The following UGGT1 variants were observed in gnomAD, a reference collection of about 807,000 sequenced individuals.
The protein encoded by UGGT1 is UDP-glucose glycoprotein glucosyltransferase 1.
UGGT1 carries 107 observed loss-of-function variants against 203.9 expected under a neutral mutation model. That is an observed-to-expected ratio of 0.52 (90% CI 0.45 to 0.62). The LOEUF (loss-of-function observed/expected upper bound fraction) is 0.62. Ranked by LOEUF, UGGT1 falls within the 20% of genes least tolerant of loss-of-function variation. The probability of loss-of-function intolerance (pLI) is 0.00; values close to 1 mark genes in which losing one functional copy is unlikely to be tolerated. For synonymous variants in UGGT1, 628 were observed against 653.5 expected (o/e 0.96, Z 0.59); for missense variants, 1,673 against 1,867.2 (o/e 0.90, Z 1.92).
chr2:128,108,212 A>T (rs1183231658), intron 4 of UGGT1, 144 bp downstream of exon 4: 1 of 1,061,158 alleles, frequency 9.4e-7, no homozygotes, highest in Non-Finnish European at 1.3e-6. Context: ...TTTAAAAAAA[A>T]TAATAAGCAA....
chr2:128,121,406 T>TTC, intron 10 of UGGT1, 108 bp downstream of exon 10: 1 of 215,108 alleles, frequency 4.6e-6, no homozygotes, highest in South Asian at 9.5e-5. Context: ...ATTAAGATTC[T>TTC]TTTTTTTTTT....
At chr2:128,176,122 A>G (rs915722888) in intron 31 of UGGT1, among the ~76,000 whole-genome samples, 6 of 152,164 alleles carry the variant, frequency 3.9e-5, no homozygotes, top group East Asian at 1.9e-4. Context: ...GTTAAAGAGT[A>G]GTGGCCGGGA....
intron 38 of UGGT1, among the ~76,000 whole-genome samples, chr2:128,185,612 G>A (rs537310024): frequency 9.2e-5 from 14 of 151,498 alleles, no homozygotes; most frequent in South Asian, 2.1e-4. Context: ...CAGCTGGGAC[G>A]ACAGGCTCAC....
chr2:128,094,650 T>A (rs1012148765), intron 1 of UGGT1, among the ~76,000 whole-genome samples: 1 of 151,572 alleles, frequency 6.6e-6, no homozygotes, highest in South Asian at 2.1e-4. Context: ...ACAAACCGTG[T>A]CTATTGTGTC....
intron 35 of UGGT1, 124 bp downstream of exon 35, chr2:128,179,994 G>A (rs1691605279): frequency 2.6e-6 from 2 of 765,116 alleles, no homozygotes; most frequent in African/African-American, 3.6e-5. Flanking sequence ...CCCTAATTTG[G>A]TTGCATATTT....
At chr2:128,107,827 A>G in intron 3 of UGGT1, 111 bp from the exon 4 acceptor site, 1 of 1,444,178 alleles carries the variant, frequency 6.9e-7, no homozygotes, top group East Asian at 2.3e-5. Flanking sequence ...ATATACTGGT[A>G]AAACTTGCCT....
At chr2:128,132,205 CTT>C (rs796930833) in intron 13 of UGGT1, among the ~76,000 whole-genome samples, 143 of 145,470 alleles carry the variant, frequency 9.8e-4, no homozygotes, top group Middle Eastern at 3.6e-3. Flanking sequence ...TTTTCATATT[CTT>C]TTTTTTTTTC....
rs1687936583 is a variant in UGGT1 at position 128,112,953 on chromosome 2, T to A, written c.522-131T>A. 5.1e-6 allele frequency: 4 copies of A among 777,322 alleles called. No homozygotes were observed. In the Admixed American group the frequency reaches 1.1e-4, roughly 21 times the overall value. 48.2% of individuals were successfully genotyped at this position (777,322 alleles called of 1,614,324 possible). On this transcript the variant is annotated intron_variant, in intron 5 of 40. Transcript: ENST00000259253. ...CTTAGTAAGTGAAAAATATTTAAGA[T>A]CATGCTACCCTTCATATTAAGATGC...
rs149422257 is a variant in UGGT1 at position 128,112,454 on chromosome 2, T to TTTTTTA, written c.522-629_522-628insTTTTAT. ...AAAAAACCCCCCAAAAAATACTATGTTATATATATATATATATATTACATA... is the reference window on the plus strand; with the variant it reads ...AAAAAACCCCCCAAAAAATACTATGTTTTTTATATATATATATATATATATTACATA... On this transcript the variant is annotated intron_variant, in intron 5 of 40. Transcript: ENST00000259253. Among the ~76,000 whole-genome samples, 7 of 55,812 alleles carry TTTTTTA rather than the reference T, an allele frequency of 1.3e-4. 1 individual carries two copies. Among genetic ancestry groups the TTTTTTA allele is most frequent in the African/African-American group, 2.6e-4 (5 of 18,898 alleles). 36.6% of individuals were successfully genotyped at this position (55,812 alleles called of 152,430 possible).
chr2:128,162,967 C>CA (rs138280385), intron 25 of UGGT1, among the ~76,000 whole-genome samples: 21,619 of 152,226 alleles, frequency 0.14, 1,960 homozygotes, highest in Non-Finnish European at 0.2. Flanking sequence ...TCATTAGCGC[C>CA]AGAGCTGCTC....
At chr2:128,156,350 A>G (rs1010737159) in intron 20 of UGGT1, 42 bp from the exon 21 acceptor site, 1 of 1,500,418 alleles carries the variant, frequency 6.7e-7, no homozygotes. Context: ...CATTCCAGAA[A>G]TGATACTTTT....
chr2:128,174,019 T>C, intron 30 of UGGT1, 80 bp downstream of exon 30: 2 of 1,505,366 alleles, frequency 1.3e-6, no homozygotes, highest in Non-Finnish European at 1.8e-6. Context: ...GCAATTAGCA[T>C]TCTTAACCAT....
intron 1 of UGGT1, among the ~76,000 whole-genome samples, chr2:128,097,223 A>G (rs575786346): frequency 1.2e-3 from 180 of 152,282 alleles, no homozygotes; most frequent in African/African-American, 4.3e-3. Flanking sequence ...AAAGATACAC[A>G]AAATTAGCAG....
At chr2:128,108,938 C>G (rs1269417240) in intron 4 of UGGT1, among the ~76,000 whole-genome samples, 3 of 152,050 alleles carry the variant, frequency 2.0e-5, no homozygotes, top group Non-Finnish European at 4.4e-5. Flanking sequence ...GTGACACAGT[C>G]TCGCCCTGTC....
At chr2:128,134,996 T>G in intron 15 of UGGT1, 35 bp downstream of exon 15, 1 of 1,549,262 alleles carries the variant, frequency 6.5e-7, no homozygotes, top group Non-Finnish European at 8.9e-7. Flanking sequence ...TGTATCTAAT[T>G]TAGCTGAGGT....
At chr2:128,186,867 T>A in intron 39 of UGGT1, 68 bp downstream of exon 39, 1 of 1,146,920 alleles carries the variant, frequency 8.7e-7, no homozygotes, top group Non-Finnish European at 1.2e-6. Flanking sequence ...CGATTAATGA[T>A]TTTTATTTAG....
intron 22 of UGGT1, among the ~76,000 whole-genome samples, chr2:128,157,885 C>T (rs939422637): frequency 3.3e-5 from 5 of 152,164 alleles, no homozygotes; most frequent in African/African-American, 9.7e-5. Context: ...AGAGTGTCAT[C>T]GTTAGAGGAT....
At chr2:128,123,487 C>T (rs1346479876) in intron 11 of UGGT1, among the ~76,000 whole-genome samples, 1 of 152,188 alleles carries the variant, frequency 6.6e-6, no homozygotes, top group African/African-American at 2.4e-5. Flanking sequence ...TGTCTCACCC[C>T]GTTCCTGAAG....
chr2:128,156,445 CTTAA>C, intron 21 of UGGT1, 30 bp downstream of exon 21: 1 of 1,533,934 alleles, frequency 6.5e-7, no homozygotes, highest in Non-Finnish European at 9.0e-7. Flanking sequence ...TGTTCTATTT[CTTAA>C]TTTTCTTCTT....
Sources: allele counts gnomAD v4.1 joint callset (sites outside exome capture counted in the v4.1 genomes callset), GRCh38; gene constraint gnomAD v4.1.1; transcripts MANE v1.5; gene names NCBI Gene and HGNC (gene_info 2026-07-23, HGNC 2026-07-21).